MTSS1: variants seen among roughly 807,000 people sequenced by gnomAD.
The protein encoded by MTSS1 is MTSS I-BAR domain containing 1, also known as protein MTSS 1.
MTSS1 carries 18 observed loss-of-function variants against 79.0 expected under a neutral mutation model. The ratio of observed to expected loss-of-function variants is 0.23; its 90% CI spans 0.16 to 0.34. The LOEUF (loss-of-function observed/expected upper bound fraction) is 0.34, where lower values mean the gene tolerates loss of function less well. Among genes scored for constraint, MTSS1 ranks in the 10% least tolerant of loss-of-function variants. The pLI is 1.00. For missense variants in MTSS1, 815 were observed against 986.2 expected, an observed-to-expected ratio of 0.83 and a Z score of 2.33; for synonymous variants, 341 against 368.6, an observed-to-expected ratio of 0.93 and a Z score of 0.86.
chr8:124,600,241 T>A (rs1426851400), intron 3 of MTSS1, among the ~76,000 whole-genome samples: 1 of 132,742 alleles, frequency 7.5e-6, no homozygotes, highest in Non-Finnish European at 1.5e-5. Context: ...TTCGATGGCA[T>A]TTTTTTTTTG....
At chr8:124,600,773 C>T (rs1166343259) in intron 3 of MTSS1, among the ~76,000 whole-genome samples, 1 of 152,234 alleles carries the variant, frequency 6.6e-6, no homozygotes, top group African/African-American at 2.4e-5. Flanking sequence ...GGGCAGCTTT[C>T]AAGAAAGCCA....
intron 1 of MTSS1, among the ~76,000 whole-genome samples, chr8:124,725,738 ATTTAAAAATT>A (rs1833602612): frequency 6.6e-6 from 1 of 152,252 alleles, no homozygotes; most frequent in African/African-American, 2.4e-5. Context: ...ATCTGTTCAA[ATTTAAAAATT>A]TTTAATTTCC....
In MTSS1 at chr8:124,699,705, C is replaced by T. The variant is rs1054852203; in HGVS notation, c.135-106G>A. ...GCTAAGGAGTACATGTAACCTTCCT[C>T]CAGAAATAACTCAACTGAGCATGGA... On this transcript the variant is annotated intron_variant, in intron 2 of 13. Coordinates refer to ENST00000518547, the MANE Select transcript of MTSS1 (RefSeq NM_014751.6). 8.1e-6 allele frequency: 8 copies of T among 991,140 alleles called. No individual in the cohort carries two copies. In the African/African-American group the frequency reaches 1.3e-4, roughly 16 times the overall value. 61.4% of individuals were successfully genotyped at this position (991,140 alleles called of 1,614,324 possible).
intron 3 of MTSS1, among the ~76,000 whole-genome samples, chr8:124,649,683 T>C (rs1434840242): frequency 6.6e-6 from 1 of 152,164 alleles, no homozygotes; most frequent in East Asian, 1.9e-4. Context: ...AATACTCATC[T>C]TCAGTCATTA....
At chr8:124,589,031 T>C (rs1370464337) in intron 5 of MTSS1, among the ~76,000 whole-genome samples, 1 of 151,528 alleles carries the variant, frequency 6.6e-6, no homozygotes, top group Non-Finnish European at 1.5e-5. Context: ...TTCTTCTTTT[T>C]CTTTTTTTTT....
At chr8:124,682,856 C>T (rs1199637581) in intron 3 of MTSS1, among the ~76,000 whole-genome samples, 2 of 152,202 alleles carry the variant, frequency 1.3e-5, no homozygotes, top group Non-Finnish European at 2.9e-5. Context: ...TTATACTAAA[C>T]ATCAAAGAAA....
At chr8:124,633,670 T>G (rs141412904) in intron 3 of MTSS1, among the ~76,000 whole-genome samples, 1 of 151,872 alleles carries the variant, frequency 6.6e-6, no homozygotes, top group East Asian at 1.9e-4. Flanking sequence ...CTCGAGGGGC[T>G]GAGGGAGGAG....
At chr8:124,557,396 C>T (rs932616436) in intron 11 of MTSS1, among the ~76,000 whole-genome samples, 4 of 152,168 alleles carry the variant, frequency 2.6e-5, no homozygotes, top group African/African-American at 4.8e-5. Flanking sequence ...TTGGAATTGC[C>T]GCTGCCTGCG....
intron 4 of MTSS1, 73 bp from the exon 5 acceptor site, chr8:124,589,784 G>A (rs1231886439): frequency 4.6e-6 from 5 of 1,075,562 alleles, no homozygotes; most frequent in Non-Finnish European, 5.7e-6. Flanking sequence ...AAATGTGGTT[G>A]TCAAAACATA....
At chr8:124,696,764 T>G (rs1178817988) in intron 3 of MTSS1, among the ~76,000 whole-genome samples, 1 of 150,798 alleles carries the variant, frequency 6.6e-6, no homozygotes, top group Non-Finnish European at 1.5e-5. Context: ...GGCAGGAGAA[T>G]CACTTGAACC....
chr8:124,600,733 AGTACTTAGAGG>A (rs1317308840), intron 3 of MTSS1, among the ~76,000 whole-genome samples: 2 of 152,238 alleles, frequency 1.3e-5, no homozygotes, highest in African/African-American at 4.8e-5. Context: ...CTGGCAAATC[AGTACTTAGAGG>A]GCAAATGAAC....
At chr8:124,599,147 C>G (rs528233361) in intron 3 of MTSS1, among the ~76,000 whole-genome samples, 2 of 152,168 alleles carry the variant, frequency 1.3e-5, no homozygotes, top group African/African-American at 2.4e-5. Flanking sequence ...CCCGTTCCCC[C>G]ACAGTGAAAT....
chr8:124,691,571 A>G (rs1827940529), intron 3 of MTSS1, among the ~76,000 whole-genome samples: 1 of 152,164 alleles, frequency 6.6e-6, no homozygotes. Context: ...GCTGGAGTAC[A>G]ATGGTACGAT....
intron 7 of MTSS1, chr8:124,567,797 AT>A: frequency 6.5e-7 from 1 of 1,529,086 alleles, no homozygotes; most frequent in East Asian, 2.5e-5. Flanking sequence ...AAATTCAGAC[AT>A]TTTGCTAGGG....
intron 3 of MTSS1, among the ~76,000 whole-genome samples, chr8:124,645,718 C>G (rs369750545): frequency 1.3e-5 from 2 of 152,276 alleles, no homozygotes; most frequent in East Asian, 1.9e-4. Flanking sequence ...GACTTAAACC[C>G]TTTATCATGC....
chr8:124,569,886 T>C (rs1827370194), intron 6 of MTSS1, among the ~76,000 whole-genome samples: 1 of 152,190 alleles, frequency 6.6e-6, no homozygotes, highest in Non-Finnish European at 1.5e-5. Context: ...CACTGCCTAA[T>C]TCCCTTAACA....
chr8:124,577,720 C>T (rs771421870), intron 6 of MTSS1: 6 of 471,944 alleles, frequency 1.3e-5, no homozygotes, highest in African/African-American at 3.9e-5. Flanking sequence ...GGCTTAGCCT[C>T]GAAGAACTGG....
intron 3 of MTSS1, among the ~76,000 whole-genome samples, chr8:124,622,485 GAAA>G (rs74650146): frequency 0.033 from 3,268 of 99,490 alleles, 141 homozygotes; most frequent in East Asian, 0.18. Context: ...TTGCCATATT[GAAA>G]AAAAAAAAAA....
In MTSS1 at chr8:124,555,947, G is replaced by A. The variant is rs201829002; in HGVS notation, c.1405-43C>T. ...GAAATACACAGGTTGCTTTAGGGGG[G>A]GGGCTCAACAGCACTCCTGTTCTGC... On this transcript the variant is annotated intron_variant, in intron 12 of 13. Coordinates refer to ENST00000518547, the MANE Select transcript of MTSS1 (RefSeq NM_014751.6). 4.1e-5 allele frequency: 66 copies of A among 1,595,246 alleles called. No individual in the cohort carries two copies. The South Asian group carries it at 6.2e-4, about 15-fold the overall frequency.
Sources: gnomAD v4.1 joint callset for allele counts (sites outside exome capture counted in the v4.1 genomes callset) on GRCh38, gnomAD v4.1.1 for gene constraint, MANE v1.5 for transcripts, NCBI Gene and HGNC (gene_info 2026-07-23, HGNC 2026-07-21) for gene names.